Variants in PTPRG observed in about 807,000 individuals in gnomAD.
The protein encoded by PTPRG is receptor-type tyrosine-protein phosphatase gamma.
In PTPRG, 102 loss-of-function variants were observed where a neutral mutation model predicts 165.3. The observed-to-expected ratio is 0.62, with a 90% confidence interval of 0.53 to 0.73. PTPRG has a LOEUF of 0.73. Ranked by LOEUF, PTPRG falls within the 30% of genes least tolerant of loss-of-function variation. PTPRG has a pLI of 0.00. For missense variants in PTPRG, 1,866 were observed against 1,861.4 expected (o/e 1.00, Z -0.05); for synonymous variants, 675 against 669.5 (o/e 1.01, Z -0.13).
intron 1 of PTPRG, chr3:61,743,145 G>C (rs894620943): frequency 1.8e-6 from 2 of 1,136,314 alleles, no homozygotes; most frequent in Non-Finnish European, 2.6e-6. Flanking sequence ...GAGCGGGTCT[G>C]GTAATATTTT....
At chr3:61,838,753 C>G (rs1242680905) in intron 2 of PTPRG, among the ~76,000 whole-genome samples, 2 of 152,156 alleles carry the variant, frequency 1.3e-5, no homozygotes, top group Non-Finnish European at 2.9e-5. Context: ...TACCACTCTC[C>G]CTGAGCTTTT....
intron 5 of PTPRG, among the ~76,000 whole-genome samples, chr3:62,118,071 C>T (rs1702929077): frequency 6.6e-6 from 1 of 152,112 alleles, no homozygotes; most frequent in Admixed American, 6.5e-5. Flanking sequence ...AAAGTACAGC[C>T]CTAAGAGGGA....
intron 2 of PTPRG, chr3:61,750,395 A>G (rs2033382739): frequency 6.6e-6 from 1 of 152,196 alleles, no homozygotes; most frequent in Non-Finnish European, 1.5e-5. Context: ...GGCAGTGAAG[A>G]GATGAAAGCC....
chr3:62,227,376 T>C (rs1337974245), intron 13 of PTPRG, among the ~76,000 whole-genome samples: 1 of 152,196 alleles, frequency 6.6e-6, no homozygotes, highest in East Asian at 1.9e-4. Flanking sequence ...CACATACAGG[T>C]AACTGTGAAG....
intron 8 of PTPRG, among the ~76,000 whole-genome samples, chr3:62,187,189 A>G (rs934910884): frequency 6.6e-6 from 1 of 151,834 alleles, no homozygotes; most frequent in African/African-American, 2.4e-5. Flanking sequence ...AATGAAGTCA[A>G]TAATACAACT....
intron 1 of PTPRG, among the ~76,000 whole-genome samples, chr3:61,604,492 T>C (rs1380270164): frequency 6.6e-6 from 1 of 152,196 alleles, no homozygotes. Flanking sequence ...TAAAGGCCCA[T>C]ATGTCTAAGA....
chr3:61,892,894 G>A (rs943690751), intron 2 of PTPRG, among the ~76,000 whole-genome samples: 2 of 151,990 alleles, frequency 1.3e-5, no homozygotes, highest in East Asian at 3.9e-4. Context: ...ATAAAAATTG[G>A]GGCTCACTTT....
intron 2 of PTPRG, among the ~76,000 whole-genome samples, chr3:61,915,999 G>A (rs970498482): frequency 6.6e-6 from 1 of 152,188 alleles, no homozygotes; most frequent in Non-Finnish European, 1.5e-5. Flanking sequence ...AAGTAGTCAA[G>A]TAAACTATTC....
chr3:61,719,360 TG>T (rs1400256849), intron 1 of PTPRG, among the ~76,000 whole-genome samples: 16 of 152,342 alleles, frequency 1.1e-4, no homozygotes. Context: ...GGCCTCTAAC[TG>T]GGAGTTGTGG....
intron 1 of PTPRG, among the ~76,000 whole-genome samples, chr3:61,653,203 A>G (rs1702407863): frequency 1.3e-5 from 2 of 152,310 alleles, no homozygotes; most frequent in South Asian, 4.1e-4. Context: ...TATTACACAT[A>G]GGAAAGACGT....
At chr3:61,791,946 C>A (rs1224437159) in intron 2 of PTPRG, among the ~76,000 whole-genome samples, 2 of 152,096 alleles carry the variant, frequency 1.3e-5, no homozygotes, top group African/African-American at 4.8e-5. Context: ...TAATGATGTG[C>A]AGAGTTTTAA....
chr3:61,839,706 A>T (rs907431913), intron 2 of PTPRG, among the ~76,000 whole-genome samples: 5 of 152,244 alleles, frequency 3.3e-5, no homozygotes, highest in African/African-American at 9.6e-5. Context: ...GAGAATTTGG[A>T]AAATAAACAT....
At chr3:61,844,246 G>T (rs1269858864) in intron 2 of PTPRG, among the ~76,000 whole-genome samples, 1 of 152,146 alleles carries the variant, frequency 6.6e-6, no homozygotes, top group Admixed American at 6.5e-5. Context: ...TTACAGGCGT[G>T]AGCCACCACG....
At chr3:61,871,308 G>C (rs1488858252) in intron 2 of PTPRG, among the ~76,000 whole-genome samples, 2 of 151,958 alleles carry the variant, frequency 1.3e-5, no homozygotes, top group African/African-American at 4.8e-5. Flanking sequence ...ACTCACTGCA[G>C]CCTCAACCTC....
intron 1 of PTPRG, among the ~76,000 whole-genome samples, chr3:61,618,597 G>A (rs6804340): frequency 0.062 from 9,461 of 151,856 alleles, 925 homozygotes; most frequent in African/African-American, 0.21. Flanking sequence ...ATGTCGAGGG[G>A]AAAAAAACGG....
intron 5 of PTPRG, among the ~76,000 whole-genome samples, chr3:62,086,093 A>G (rs1293238161): frequency 2.0e-5 from 3 of 152,164 alleles, no homozygotes; most frequent in African/African-American, 7.2e-5. Context: ...TAAATTTTAG[A>G]ATTGGACTCT....
At chr3:62,003,741 G>T (rs2041228919) in intron 4 of PTPRG, among the ~76,000 whole-genome samples, 2 of 152,176 alleles carry the variant, frequency 1.3e-5, no homozygotes, top group Non-Finnish European at 2.9e-5. Flanking sequence ...ACTGGTTGAT[G>T]ATGTTCATCA....
chr3:61,660,720 GAC>G (rs1702633765), intron 1 of PTPRG, among the ~76,000 whole-genome samples: 1 of 152,152 alleles, frequency 6.6e-6, no homozygotes, highest in Non-Finnish European at 1.5e-5. Context: ...AAAAAAACCT[GAC>G]TGGATGCGTT....
At chr3:61,965,739 A>T (rs1254224210) in intron 2 of PTPRG, among the ~76,000 whole-genome samples, 1 of 152,218 alleles carries the variant, frequency 6.6e-6, no homozygotes, top group African/African-American at 2.4e-5. Context: ...TAAGCATTTC[A>T]CCTCATGTAA....
Sources: allele counts gnomAD v4.1 joint callset (sites outside exome capture counted in the v4.1 genomes callset), GRCh38; gene constraint gnomAD v4.1.1; transcripts MANE v1.5; gene names NCBI Gene and HGNC (gene_info 2026-07-23, HGNC 2026-07-21).